Variants in HEATR6 observed in about 807,000 individuals in gnomAD.
HEATR6 encodes HEAT repeat containing 6, also known as HEAT repeat-containing protein 6.
A neutral mutation model predicts 132.8 loss-of-function variants in HEATR6; 106 were observed. That is an observed-to-expected ratio of 0.80 (90% confidence interval 0.68 to 0.94). The LOEUF (loss-of-function observed/expected upper bound fraction) is 0.94, where lower values mean the gene tolerates loss of function less well. Among genes scored for constraint, HEATR6 ranks in the 40% least tolerant of loss-of-function variants. HEATR6 has a pLI of 0.00. For missense variants in HEATR6, 1,339 were observed against 1,425.1 expected, an observed-to-expected ratio of 0.94 and a Z score of 0.97; for synonymous variants, 529 against 537.8, an observed-to-expected ratio of 0.98 and a Z score of 0.23.
In HEATR6 at chr17:60,078,871, G is replaced by A. The variant is rs149402306; in HGVS notation, c.44C>T (p.Pro15Leu). Residue 15 changes from proline (P) to leucine (L), a missense_variant, in exon 1 of 20, where the codon CCG becomes CTG. Pro to Leu is a moderately conservative substitution (Grantham distance 98). Coordinates refer to ENST00000184956, the MANE Select transcript of HEATR6 (RefSeq NM_022070.5). ...QVVGSWPSVQ[P>L]REAPREAIPE... Reference sequence around the variant, plus strand: ...GATTGCTTCCCGCGGTGCCTCCCGCGGCTGCACGGAAGGCCACGAACCGAC... The same window carrying A: ...GATTGCTTCCCGCGGTGCCTCCCGCAGCTGCACGGAAGGCCACGAACCGAC... 731 of 1,377,880 alleles carry A rather than the reference G, an allele frequency of 5.3e-4. 3 individuals are homozygous for A. In the African/African-American group the frequency reaches 9.8e-3, roughly 18 times the overall value. 85.4% of individuals were successfully genotyped at this position (1,377,880 alleles called of 1,614,324 possible). A position where few individuals can be genotyped will look rare whatever the true frequency, so the allele number is the denominator to read the frequency against.
At chr17:60,060,538 G>C (rs1024000805) in intron 9 of HEATR6, among the ~76,000 whole-genome samples, 1 of 152,170 alleles carries the variant, frequency 6.6e-6, no homozygotes, top group Admixed American at 6.5e-5. Flanking sequence ...TCCTAAGCAT[G>C]AGAATAAGAA....
chr17:60,074,049 A>G, intron 2 of HEATR6, 163 bp from the exon 3 acceptor site: 34 of 1,328,270 alleles, frequency 2.6e-5, no homozygotes, highest in Non-Finnish European at 3.2e-5. Context: ...AGTTTGATCA[A>G]CGTAGGGGCC....
rs766021986 is a variant in HEATR6 at position 60,076,253 on chromosome 17, A to AT, written c.220-17_220-16insA. 6.5e-6 allele frequency: 9 copies of AT among 1,393,068 alleles called. No individual in the cohort carries two copies. In the South Asian group the frequency reaches 1.1e-4, roughly 17 times the overall value. The allele number at this position is 1,393,068 out of a possible 1,614,324, so 86.3% of individuals were successfully genotyped here. A position where few individuals can be genotyped will look rare whatever the true frequency, so the allele number is the denominator to read the frequency against. On this transcript the variant is annotated splice_polypyrimidine_tract_variant and intron_variant, in intron 1 of 19. Transcript: ENST00000184956. Reference sequence around the variant, plus strand: ...CACTAACGTCCTACCAAAAAAAAAAAGATAAGAGGTAAAATACTTATTAGT... The same window carrying AT: ...CACTAACGTCCTACCAAAAAAAAAAATGATAAGAGGTAAAATACTTATTAGT...
chr17:60,064,713 G>C (rs1425748833), intron 9 of HEATR6: 2 of 151,716 alleles, frequency 1.3e-5, no homozygotes, highest in African/African-American at 2.4e-5. Flanking sequence ...TAAACAGCAA[G>C]AACAAGTCTA....
intron 16 of HEATR6, among the ~76,000 whole-genome samples, chr17:60,048,980 T>TA (rs1279482533): frequency 1.2e-4 from 8 of 66,724 alleles, no homozygotes; most frequent in Admixed American, 1.8e-4. Context: ...AACATATATA[T>TA]ATAATATATA....
At chr17:60,048,433 C>A (rs1381571228) in intron 16 of HEATR6, 45 bp from the exon 17 acceptor site, 1 of 1,532,052 alleles carries the variant, frequency 6.5e-7, no homozygotes, top group Admixed American at 1.8e-5. Flanking sequence ...GCAGGTCATG[C>A]TGCTACCTTT....
In HEATR6 at chr17:60,056,130, C is replaced by G. The variant is rs1462232973; in HGVS notation, c.2187G>C (p.Gln729His). 6 of 1,613,964 alleles carry G rather than the reference C, an allele frequency of 3.7e-6. No individual in the cohort carries two copies. Among genetic ancestry groups the G allele is most frequent in the Non-Finnish European group, 5.1e-6 (6 of 1,179,944 alleles). Residue 729 changes from glutamine to histidine, a missense_variant, in exon 13 of 20, where the codon CAG becomes CAC. Physicochemically the swap from Gln to His is conservative, Grantham distance 24 (BLOSUM62 0). Coordinates refer to ENST00000184956, the MANE Select transcript of HEATR6 (RefSeq NM_022070.5). ...KCMGEADPSI[Q>H]LHGAKLLEEL... ...TGAAAATTACCTTTGCTCCATGAAG[C>G]TGAATGGATGGATCTGCTTCCCCCA...
chr17:60,065,102 C>T (rs532173580), intron 9 of HEATR6, among the ~76,000 whole-genome samples: 152 of 152,132 alleles, frequency 1.0e-3, no homozygotes, highest in Non-Finnish European at 1.9e-3. Flanking sequence ...TATTTGCCAC[C>T]ACTCATTTTT....
chr17:60,073,254 G>C lies in HEATR6; in HGVS notation c.494C>G (p.Thr165Ser). 1 of 1,612,694 alleles carries C rather than the reference G, an allele frequency of 6.2e-7. No homozygotes were observed. Among genetic ancestry groups the C allele is most frequent in the Non-Finnish European group, 8.5e-7 (1 of 1,178,772 alleles). Reference sequence around the variant, plus strand: ...GTCACTCAACTTCATTAAGAGTCCGGTGTTGCCTAGCAGCTCTGGGAGGTA... The same window carrying C: ...GTCACTCAACTTCATTAAGAGTCCGCTGTTGCCTAGCAGCTCTGGGAGGTA... ...QKYLPELLGN[T>S]GLLMKLSDLA... Residue 165 changes from threonine to serine, a missense_variant, in exon 4 of 20, where the codon ACC (threonine) becomes AGC (serine). By Grantham distance (58) the Thr-to-Ser change is moderately conservative. Transcript: ENST00000184956.
At chr17:60,049,727 A>G (rs754995017) in intron 15 of HEATR6, 25 bp from the exon 16 acceptor site, 1 of 1,606,804 alleles carries the variant, frequency 6.2e-7, no homozygotes, top group Admixed American at 1.7e-5. Context: ...TTGACAAGGG[A>G]AAAATGAGAA....
At chr17:60,060,876 G>A (rs2083207108) in intron 9 of HEATR6, among the ~76,000 whole-genome samples, 1 of 152,178 alleles carries the variant, frequency 6.6e-6, no homozygotes, top group Admixed American at 6.5e-5. Flanking sequence ...GAATGGAAAG[G>A]ACAAAAAGAA....
In HEATR6 at chr17:60,076,163, G is replaced by C; in HGVS notation, c.294C>G (p.Ser98Arg). The change falls in exon 2 of 20, where the codon AGC (serine) becomes AGG (arginine). Residue 98 changes from serine to arginine, a missense_variant. Ser to Arg is a moderately radical substitution (Grantham distance 110, BLOSUM62 -1). Coordinates refer to ENST00000184956, the MANE Select transcript of HEATR6 (RefSeq NM_022070.5). ...TGTTAAGTAAATGGTGGATAAGCTG[G>C]CTCACTTTGCTGACAAGATGATTCT... Reference protein sequence around the residue: ...LNQNHLVSKVSQLIHHLLNRL... With the variant: ...LNQNHLVSKVRQLIHHLLNRL... The C allele has an allele frequency of 6.2e-7, 1 of 1,610,388 alleles. No individual in the cohort carries two copies. The highest frequency in any genetic ancestry group is 1.1e-5 in the South Asian group (1 of 91,034).
chr17:60,070,340 T>A (rs547322267), intron 6 of HEATR6, among the ~76,000 whole-genome samples: 5 of 152,188 alleles, frequency 3.3e-5, no homozygotes, highest in Non-Finnish European at 5.9e-5. Context: ...AGCTGCCCAT[T>A]GACACACGTC....
At chr17:60,050,164 G>A (rs566094291) in intron 15 of HEATR6, among the ~76,000 whole-genome samples, 46 of 152,242 alleles carry the variant, frequency 3.0e-4, no homozygotes, top group African/African-American at 1.1e-3. Flanking sequence ...TCATGAAAGA[G>A]ATTAGTGCCC....
Position 60,078,703 on chromosome 17 carries a change from G to A in HEATR6, c.212C>T (p.Ala71Val), listed in dbSNP as rs3744376. ...SENYSEGSGV[A>V]PEDVSALLVQ... Reference sequence around the variant, plus strand: ...GCAGGGCGCGCCGCCTACCTCCGGGGCCACGCCACTGCCCTCGCTGTAGTT... The same window carrying A: ...GCAGGGCGCGCCGCCTACCTCCGGGACCACGCCACTGCCCTCGCTGTAGTT... The change falls in exon 1 of 20, where the codon GCC (alanine) becomes GTC (valine). Residue 71 changes from alanine (A) to valine (V), a missense_variant. Transcript: ENST00000184956. 0.058 allele frequency: 90,026 copies of A among 1,541,950 alleles called. 3,372 individuals carry two copies. The highest frequency in any genetic ancestry group is 0.18 in the African/African-American group (12,792 of 72,936).
At chr17:60,058,747 T>C (rs1162981681) in intron 11 of HEATR6, among the ~76,000 whole-genome samples, 1 of 152,158 alleles carries the variant, frequency 6.6e-6, no homozygotes, top group Non-Finnish European at 1.5e-5. Context: ...TGACTTCAGG[T>C]CCCATGCTCT....
intron 11 of HEATR6, among the ~76,000 whole-genome samples, chr17:60,058,657 C>T (rs1906832461): frequency 6.6e-6 from 1 of 152,148 alleles, no homozygotes; most frequent in African/African-American, 2.4e-5. Context: ...ATAATTCTTG[C>T]TGTTAGGAAG....
chr17:60,053,704 T>C (rs1388342079), intron 14 of HEATR6, among the ~76,000 whole-genome samples: 1 of 152,222 alleles, frequency 6.6e-6, no homozygotes, highest in East Asian at 1.9e-4. Context: ...CTTGGCTGCA[T>C]TATGCCCATG....
intron 16 of HEATR6, among the ~76,000 whole-genome samples, chr17:60,048,990 A>AG (rs1568608419): frequency 1.0e-5 from 1 of 98,416 alleles, no homozygotes; most frequent in South Asian, 2.6e-4. Context: ...TATAATATAT[A>AG]TATATATATA....
Sources: allele counts gnomAD v4.1 joint callset (sites outside exome capture counted in the v4.1 genomes callset), GRCh38; gene constraint gnomAD v4.1.1; transcripts MANE v1.5; gene names NCBI Gene and HGNC (gene_info 2026-07-23, HGNC 2026-07-21).